ATP10B: variants seen among roughly 807,000 people sequenced by gnomAD.
ATP10B encodes phospholipid-transporting ATPase VB.
Under a neutral mutation model 141.2 loss-of-function variants are expected in ATP10B, and 122 were observed. That is an observed-to-expected ratio of 0.86 (90% CI 0.75 to 1.00). The LOEUF (loss-of-function observed/expected upper bound fraction) is 1.00. Ranked by LOEUF, ATP10B falls within the 50% of genes least tolerant of loss-of-function variation. The probability of loss-of-function intolerance (pLI) is 0.00; values close to 1 mark genes in which losing one functional copy is unlikely to be tolerated. For synonymous variants in ATP10B, 685 were observed against 692.0 expected (o/e 0.99, Z 0.16); for missense variants, 1,876 against 1,825.3 (o/e 1.03, Z -0.51).
chr5:160,704,560 T>C lies in ATP10B; in HGVS notation c.-205+12349A>G, dbSNP rs139365913. On this transcript the variant is annotated intron_variant, in intron 3 of 25. Coordinates refer to ENST00000327245, the MANE Select transcript of ATP10B (RefSeq NM_025153.3). ...GGATTTTAGGAATGGTAAATGAGCA[T>C]TGGCTTCAAGTTAGAGTCACTAGCT... Among the ~76,000 whole-genome samples, 486 of 152,294 alleles carry C rather than the reference T, an allele frequency of 3.2e-3. 2 individuals carry two copies. The highest frequency in any genetic ancestry group is 0.011 in the African/African-American group (463 of 41,552).
the ATP10B span, among the ~76,000 whole-genome samples, chr5:160,866,733 T>C: frequency 1.5e-4 from 23 of 152,044 alleles, no homozygotes; most frequent in African/African-American, 5.3e-4. Flanking sequence ...TTTGGGTACT[T>C]GTGGGGAAGG....
upstream of ATP10B, among the ~76,000 whole-genome samples, chr5:160,856,282 T>A (rs62392648): frequency 6.6e-6 from 1 of 151,548 alleles, no homozygotes; most frequent in South Asian, 2.1e-4. Flanking sequence ...ATATGAGTCC[T>A]GTACACATTT....
At chr5:160,858,460 T>G in the ATP10B span, among the ~76,000 whole-genome samples, 1 of 152,068 alleles carries the variant, frequency 6.6e-6, no homozygotes, top group Admixed American at 6.6e-5. Context: ...GTTTCTCAAG[T>G]CACTGGTATG....
intron 7 of ATP10B, among the ~76,000 whole-genome samples, chr5:160,669,189 A>C (rs1277322844): frequency 3.9e-5 from 6 of 152,246 alleles, no homozygotes. Flanking sequence ...GCAAATTGGG[A>C]TATCACACCC....
At chr5:160,697,147 C>A (rs1426665071) in intron 3 of ATP10B, among the ~76,000 whole-genome samples, 2 of 152,038 alleles carry the variant, frequency 1.3e-5, no homozygotes, top group African/African-American at 2.4e-5. Context: ...CTTACACTCA[C>A]AAAGTATTAT....
chr5:160,620,342 C>T lies in ATP10B; in HGVS notation c.2416+5G>A. 6.2e-7 allele frequency: 1 copy of T among 1,602,060 alleles called. No homozygotes were observed. The highest frequency in any genetic ancestry group is 8.5e-7 in the Non-Finnish European group (1 of 1,173,490). ...TGCCTGGAACCCTGGTAAGGCAGGA[C>T]TCACCGCAGGCTGGGTCTTCCAGCA... On this transcript the variant is annotated splice_donor_5th_base_variant and intron_variant, in intron 15 of 25. Transcript: ENST00000327245.
At chr5:160,866,946 CA>C in the ATP10B span, among the ~76,000 whole-genome samples, 3 of 151,856 alleles carry the variant, frequency 2.0e-5, no homozygotes, top group Admixed American at 2.0e-4. Flanking sequence ...ACGACTGGAC[CA>C]AAAAGCTGTG....
the ATP10B span, among the ~76,000 whole-genome samples, chr5:160,890,127 A>G: frequency 6.6e-6 from 1 of 152,326 alleles, no homozygotes; most frequent in South Asian, 2.1e-4. Flanking sequence ...TCTTCCATCA[A>G]AATGTAAACT....
At chr5:160,844,873 C>T (rs1313364767) in intron 1 of ATP10B, among the ~76,000 whole-genome samples, 1 of 151,990 alleles carries the variant, frequency 6.6e-6, no homozygotes, top group Non-Finnish European at 1.5e-5. Flanking sequence ...ACTTAGCGGT[C>T]ATGTTAAAAA....
At chr5:160,631,216 G>T (rs1006099018) in intron 13 of ATP10B, among the ~76,000 whole-genome samples, 2 of 152,218 alleles carry the variant, frequency 1.3e-5, no homozygotes, top group African/African-American at 4.8e-5. Flanking sequence ...GTGGCCTCTT[G>T]TGCAAGTGCA....
At chr5:160,827,144 T>G (rs1383371791) in intron 1 of ATP10B, among the ~76,000 whole-genome samples, 4 of 152,316 alleles carry the variant, frequency 2.6e-5, no homozygotes, top group Non-Finnish European at 5.9e-5. Flanking sequence ...GCAGCTCAGG[T>G]GGGCATCATG....
intron 6 of ATP10B, among the ~76,000 whole-genome samples, chr5:160,675,055 G>C (rs1762937350): frequency 6.6e-6 from 1 of 152,158 alleles, no homozygotes; most frequent in Admixed American, 6.5e-5. Context: ...GGTGATGACT[G>C]GCCGAATCCT....
chr5:160,569,794 C>A, intron 24 of ATP10B, 111 bp from the exon 25 acceptor site: 2 of 868,380 alleles, frequency 2.3e-6, no homozygotes, highest in African/African-American at 1.8e-5. Flanking sequence ...ATGCAAAACA[C>A]ACAAAATTCA....
intron 1 of ATP10B, among the ~76,000 whole-genome samples, chr5:160,790,566 C>T (rs112371154): frequency 6.4e-4 from 97 of 152,198 alleles, no homozygotes; most frequent in African/African-American, 2.3e-3. Context: ...AGAATTAGAA[C>T]TGGGTAGGAG....
the ATP10B span, among the ~76,000 whole-genome samples, chr5:160,897,263 G>T: frequency 6.6e-6 from 1 of 152,274 alleles, no homozygotes; most frequent in East Asian, 1.9e-4. Flanking sequence ...GTCTCTGTTT[G>T]CAGATGACAT....
At chr5:160,664,189 A>G (rs1336668234) in intron 7 of ATP10B, among the ~76,000 whole-genome samples, 1 of 152,236 alleles carries the variant, frequency 6.6e-6, no homozygotes, top group East Asian at 1.9e-4. Context: ...GACAGGTCCC[A>G]GTGCAAATCT....
the ATP10B span, among the ~76,000 whole-genome samples, chr5:160,919,179 G>C: frequency 4.0e-5 from 5 of 125,856 alleles, no homozygotes; most frequent in Admixed American, 8.9e-5. Context: ...AGTCGAGATC[G>C]CGCCACTGCA....
chr5:160,622,801 T>G (rs1758424171), intron 13 of ATP10B, among the ~76,000 whole-genome samples: 1 of 152,214 alleles, frequency 6.6e-6, no homozygotes, highest in Admixed American at 6.5e-5. Context: ...CTGACAGTTC[T>G]TCACTCTCAG....
intron 1 of ATP10B, among the ~76,000 whole-genome samples, chr5:160,840,376 T>C (rs1406687323): frequency 6.6e-6 from 1 of 151,906 alleles, no homozygotes; most frequent in East Asian, 1.9e-4. Flanking sequence ...TAGTGGCTCA[T>C]GAGGATACAA....
Sources: allele counts gnomAD v4.1 joint callset (sites outside exome capture counted in the v4.1 genomes callset), GRCh38; gene constraint gnomAD v4.1.1; transcripts MANE v1.5; gene names NCBI Gene and HGNC (gene_info 2026-07-23, HGNC 2026-07-21).